Variants in ZDHHC17 observed in about 807,000 individuals in gnomAD.
ZDHHC17 encodes palmitoyltransferase ZDHHC17.
A neutral mutation model predicts 90.3 loss-of-function variants in ZDHHC17; 40 were observed. The observed-to-expected ratio is 0.44, with a 90% confidence interval of 0.34 to 0.58. The LOEUF is 0.58. ZDHHC17 is among the 20% of genes least tolerant of loss of function. ZDHHC17 has a pLI of 0.01. For missense variants in ZDHHC17, 614 were observed against 780.8 expected (o/e 0.79, Z 2.55); for synonymous variants, 235 against 252.4 (o/e 0.93, Z 0.65).
intron 1 of ZDHHC17, among the ~76,000 whole-genome samples, chr12:76,766,531 G>T (rs7973504): frequency 1.3e-5 from 2 of 152,302 alleles, no homozygotes; most frequent in Admixed American, 1.3e-4. Context: ...AATAAGCAGT[G>T]TTTTCAGTCT....
chr12:76,819,412 A>T (rs1473517840), intron 7 of ZDHHC17, among the ~76,000 whole-genome samples: 1 of 152,148 alleles, frequency 6.6e-6, no homozygotes, highest in Non-Finnish European at 1.5e-5. Flanking sequence ...AATCTTGTTG[A>T]TAATAGTGGA....
At chr12:76,838,008 G>T (rs184596278) in intron 10 of ZDHHC17, among the ~76,000 whole-genome samples, 1 of 151,886 alleles carries the variant, frequency 6.6e-6, no homozygotes, top group Admixed American at 6.6e-5. Context: ...CTGATTGTCA[G>T]TGTTTTTATC....
At chr12:76,797,944 CACACA>C (rs1952842119) in intron 2 of ZDHHC17, among the ~76,000 whole-genome samples, 1 of 10,998 alleles carries the variant, frequency 9.1e-5, no homozygotes, top group Non-Finnish European at 1.5e-4. Flanking sequence ...AACTCTGCCA[CACACA>C]CACACACACA....
intron 10 of ZDHHC17, among the ~76,000 whole-genome samples, chr12:76,835,699 T>C (rs558479021): frequency 3.2e-4 from 49 of 152,010 alleles, no homozygotes; most frequent in African/African-American, 9.6e-4. Flanking sequence ...TTTGTTTTTC[T>C]TTCTACTCTT....
chr12:76,782,092 A>G (rs1379884389), intron 1 of ZDHHC17, among the ~76,000 whole-genome samples: 1 of 152,186 alleles, frequency 6.6e-6, no homozygotes, highest in Non-Finnish European at 1.5e-5. Context: ...CCTCCAGCCT[A>G]TACAAGATAA....
chr12:76,839,811 G>T (rs1349951460), intron 10 of ZDHHC17, among the ~76,000 whole-genome samples: 1 of 152,096 alleles, frequency 6.6e-6, no homozygotes, highest in Non-Finnish European at 1.5e-5. Flanking sequence ...TTGTTAGTGG[G>T]GTTATAAACT....
At chr12:76,776,311 G>A (rs1238886346) in intron 1 of ZDHHC17, among the ~76,000 whole-genome samples, 1 of 151,966 alleles carries the variant, frequency 6.6e-6, no homozygotes, top group Non-Finnish European at 1.5e-5. Flanking sequence ...CATGATTATT[G>A]TAAAAAATTT....
chr12:76,796,960 T>C (rs1444320397), intron 1 of ZDHHC17, among the ~76,000 whole-genome samples: 1 of 149,478 alleles, frequency 6.7e-6, no homozygotes, highest in Non-Finnish European at 1.5e-5. Flanking sequence ...TGAACAAGCT[T>C]TTTCCCTAAA....
At position 76,805,299 on chromosome 12, in the gene ZDHHC17, A is replaced by G. The variant is rs1476252186; in HGVS notation, c.198-18A>G. The G allele has an allele frequency of 6.4e-7, 1 of 1,571,806 alleles. No homozygotes were observed. The highest frequency in any genetic ancestry group is 2.3e-5 in the East Asian group (1 of 43,226). On this transcript the variant is annotated intron_variant, in intron 2 of 16. Coordinates refer to ENST00000426126, the MANE Select transcript of ZDHHC17 (RefSeq NM_015336.4). Reference sequence around the variant, plus strand: ...TCTTGTTAAATAATAACAATGCCATATTTTCTTTCTTTTCTAGATATGGAA... The same window carrying G: ...TCTTGTTAAATAATAACAATGCCATGTTTTCTTTCTTTTCTAGATATGGAA...
intron 7 of ZDHHC17, among the ~76,000 whole-genome samples, chr12:76,817,931 C>T (rs972810256): frequency 3.3e-5 from 5 of 152,014 alleles, no homozygotes; most frequent in Non-Finnish European, 5.9e-5. Context: ...GTAGTTCATG[C>T]GAATACTTTC....
At chr12:76,764,735 G>C (rs949013377) in intron 1 of ZDHHC17, 1 of 467,086 alleles carries the variant, frequency 2.1e-6, no homozygotes, top group Non-Finnish European at 4.3e-6. Context: ...CCTTCGCCAG[G>C]GTGAATGACG....
chr12:76,780,470 C>T (rs1952609456), intron 1 of ZDHHC17, among the ~76,000 whole-genome samples: 3 of 152,210 alleles, frequency 2.0e-5, no homozygotes, highest in South Asian at 2.1e-4. Context: ...TCATTTCTCT[C>T]ATCTTACAAA....
intron 16 of ZDHHC17, 181 bp downstream of exon 16, chr12:76,849,651 A>C (rs968864322): frequency 1.8e-5 from 8 of 442,420 alleles, no homozygotes; most frequent in Non-Finnish European, 2.8e-5. Context: ...TGTATATAAT[A>C]AAGTTGTGAT....
At chr12:76,807,620 C>CT (rs975996240) in intron 3 of ZDHHC17, among the ~76,000 whole-genome samples, 19 of 151,990 alleles carry the variant, frequency 1.3e-4, no homozygotes, top group Non-Finnish European at 2.5e-4. Flanking sequence ...AGAAGTTATT[C>CT]TTTTTTTAGG....
At chr12:76,805,911 C>A (rs1044555434) in intron 3 of ZDHHC17, among the ~76,000 whole-genome samples, 6 of 152,176 alleles carry the variant, frequency 3.9e-5, no homozygotes, top group African/African-American at 1.4e-4. Context: ...TTTAACTGTT[C>A]ACACCAGCAT....
At chr12:76,806,363 C>T (rs936149489) in intron 3 of ZDHHC17, among the ~76,000 whole-genome samples, 11 of 152,100 alleles carry the variant, frequency 7.2e-5, no homozygotes, top group Non-Finnish European at 1.6e-4. Context: ...ACCGCAACCT[C>T]TGCCTCCTGG....
At chr12:76,781,513 A>AAGAGAGTGAGTTTGTTACT (rs1952626080) in intron 1 of ZDHHC17, 2 of 425,240 alleles carry the variant, frequency 4.7e-6, no homozygotes, top group African/African-American at 4.1e-5. Flanking sequence ...TGTCCTTATC[A>AAGAGAGTGAGTTTGTTACT]AGAGAGTGAG....
intron 5 of ZDHHC17, among the ~76,000 whole-genome samples, chr12:76,811,035 A>G (rs1385555718): frequency 6.6e-6 from 1 of 152,204 alleles, no homozygotes; most frequent in Admixed American, 6.5e-5. Flanking sequence ...GACTTCTTAC[A>G]TATTGGCTTA....
At chr12:76,850,358 C>CT (rs1213675086) in intron 16 of ZDHHC17, among the ~76,000 whole-genome samples, 2 of 152,042 alleles carry the variant, frequency 1.3e-5, no homozygotes, top group African/African-American at 2.4e-5. Context: ...TTGTCTTTTA[C>CT]TTTTTTTCTG....
Sources: allele counts gnomAD v4.1 joint callset (sites outside exome capture counted in the v4.1 genomes callset), GRCh38; gene constraint gnomAD v4.1.1; transcripts MANE v1.5; gene names NCBI Gene and HGNC (gene_info 2026-07-23, HGNC 2026-07-21).